KIF18A: variants seen among roughly 807,000 people sequenced by gnomAD.
KIF18A encodes kinesin family member 18A.
A neutral mutation model predicts 103.3 loss-of-function variants in KIF18A; 67 were observed. That is an observed-to-expected ratio of 0.65 (90% CI 0.53 to 0.79). The LOEUF (loss-of-function observed/expected upper bound fraction) is 0.79, where lower values mean the gene tolerates loss of function less well. Ranked by LOEUF, KIF18A falls within the 30% of genes least tolerant of loss-of-function variation. The pLI is 0.00. For synonymous variants in KIF18A, 367 were observed against 355.5 expected (o/e 1.03, Z -0.36); for missense variants, 1,032 against 1,062.5 (o/e 0.97, Z 0.40).
In KIF18A at chr11:28,026,710, T is replaced by C. The variant is rs765458098; in HGVS notation, c.2505-2860A>G. Among the ~76,000 whole-genome samples the C allele has an allele frequency of 3.3e-5, 5 of 151,866 alleles. No individual in the cohort carries two copies. The South Asian group carries it at 8.3e-4, about 25-fold the overall frequency. On this transcript the variant is annotated intron_variant, in intron 15 of 16. Coordinates refer to ENST00000263181, the MANE Select transcript of KIF18A (RefSeq NM_031217.4). ...AGTTCATATTTAAAAATTATTCTTATCTATAAACATTTGTGACATCTTAGT... is the reference window on the plus strand; with the variant it reads ...AGTTCATATTTAAAAATTATTCTTACCTATAAACATTTGTGACATCTTAGT...
At position 28,088,702 on chromosome 11, in the gene KIF18A, T is replaced by C. The variant is rs1240796302; in HGVS notation, c.719A>G (p.Asp240Gly). 6.2e-6 allele frequency: 10 copies of C among 1,613,804 alleles called. No individual in the cohort carries two copies. Among genetic ancestry groups the C allele is most frequent in the Non-Finnish European group, 7.6e-6 (9 of 1,179,778 alleles). ...ATTTTGATTGATACTTGCTGTTTTGTCTTGTTGTCGCAAGTAAATCTTTTT... is the reference window on the plus strand; with the variant it reads ...ATTTTGATTGATACTTGCTGTTTTGCCTTGTTGTCGCAAGTAAATCTTTTT... ...AVFQIYLRQQ[D>G]KTASINQNVR... The change falls in exon 6 of 17, where the codon GAC becomes GGC. Residue 240 changes from aspartate (D) to glycine (G), a missense_variant. By Grantham distance (94) the Asp-to-Gly change is moderately conservative. Coordinates refer to ENST00000263181, the MANE Select transcript of KIF18A (RefSeq NM_031217.4).
At chr11:28,096,797 T>C (rs1436204085) in intron 2 of KIF18A, among the ~76,000 whole-genome samples, 1 of 151,610 alleles carries the variant, frequency 6.6e-6, no homozygotes, top group Non-Finnish European at 1.5e-5. Context: ...ATTACAAAAA[T>C]AAGATATTAA....
At chr11:28,021,673 C>T (rs1850247400) in intron 16 of KIF18A, among the ~76,000 whole-genome samples, 1 of 152,144 alleles carries the variant, frequency 6.6e-6, no homozygotes, top group Non-Finnish European at 1.5e-5. Flanking sequence ...ATTTAAACTT[C>T]CATATTTTTC....
intron 3 of KIF18A, 28 bp downstream of exon 3, chr11:28,094,615 T>C: frequency 6.6e-7 from 1 of 1,526,460 alleles, no homozygotes; most frequent in South Asian, 1.1e-5. Context: ...TTCCCAAAAC[T>C]ATTGATTAAT....
chr11:28,058,463 G>A (rs1850810729), intron 13 of KIF18A, among the ~76,000 whole-genome samples: 1 of 135,162 alleles, frequency 7.4e-6, no homozygotes, highest in Non-Finnish European at 1.5e-5. Context: ...GTCAGCCTGG[G>A]TAACAGTGAT....
chr11:28,082,307 A>G (rs1851175105), intron 9 of KIF18A, among the ~76,000 whole-genome samples: 1 of 152,146 alleles, frequency 6.6e-6, no homozygotes, highest in Non-Finnish European at 1.5e-5. Flanking sequence ...TAAATCTTTC[A>G]TGAAAGGACG....
At chr11:28,095,290 A>G (rs997193813) in intron 2 of KIF18A, among the ~76,000 whole-genome samples, 2 of 152,210 alleles carry the variant, frequency 1.3e-5, no homozygotes, top group African/African-American at 4.8e-5. Flanking sequence ...CAATACTCTC[A>G]GCATTTGCTG....
chr11:28,106,162 T>G (rs1398999898), intron 1 of KIF18A, among the ~76,000 whole-genome samples: 1 of 152,160 alleles, frequency 6.6e-6, no homozygotes, highest in African/African-American at 2.4e-5. Context: ...TGCTCTAAAG[T>G]CTCCAATGAC....
chr11:28,071,378 CTCT>C (rs1302612859), intron 10 of KIF18A, among the ~76,000 whole-genome samples: 3 of 151,610 alleles, frequency 2.0e-5, no homozygotes, highest in Non-Finnish European at 2.9e-5. Flanking sequence ...AACAACGCCA[CTCT>C]TCTATTTTCA....
Position 28,088,703 on chromosome 11 carries a change from C to CT in KIF18A, c.717dup (p.Asp240ArgfsTer19). 1 of 1,613,450 alleles carries CT rather than the reference C, an allele frequency of 6.2e-7. No individual in the cohort carries two copies. The highest frequency in any genetic ancestry group is 8.5e-7 in the Non-Finnish European group (1 of 1,179,688). ...TTTTGATTGATACTTGCTGTTTTGT[C>CT]TTGTTGTCGCAAGTAAATCTTTTTG... On this transcript the variant is annotated frameshift_variant, in exon 6 of 17. Coordinates refer to ENST00000263181, the MANE Select transcript of KIF18A (RefSeq NM_031217.4). LOFTEE classifies it high-confidence loss of function.
intron 13 of KIF18A, among the ~76,000 whole-genome samples, chr11:28,042,498 G>A (rs1850573347): frequency 6.6e-6 from 1 of 151,912 alleles, no homozygotes; most frequent in Non-Finnish European, 1.5e-5. Flanking sequence ...CTTTAAAAAG[G>A]AGCCAATGCA....
intron 3 of KIF18A, 147 bp downstream of exon 3, chr11:28,094,496 C>T: frequency 1.6e-6 from 1 of 610,524 alleles, no homozygotes; most frequent in East Asian, 3.3e-5. Flanking sequence ...AAAAAATTAA[C>T]AGAAAAAGAT....
intron 12 of KIF18A, among the ~76,000 whole-genome samples, chr11:28,061,029 C>G (rs951443274): frequency 6.6e-6 from 1 of 152,186 alleles, no homozygotes; most frequent in Non-Finnish European, 1.5e-5. Flanking sequence ...TTTGTAGCCT[C>G]TTGCTGAAAT....
intron 10 of KIF18A, among the ~76,000 whole-genome samples, chr11:28,074,913 A>C (rs373977417): frequency 6.6e-6 from 1 of 152,146 alleles, no homozygotes; most frequent in African/African-American, 2.4e-5. Flanking sequence ...CTCATCACCA[A>C]TGAATATCGA....
chr11:28,071,498 TTAATA>T (rs1295297156), intron 10 of KIF18A, among the ~76,000 whole-genome samples: 1 of 149,118 alleles, frequency 6.7e-6, no homozygotes, highest in Non-Finnish European at 1.5e-5. Context: ...TTATATTTTA[TTAATA>T]TAATTTTTAT....
chr11:28,094,873 T>C, intron 2 of KIF18A, 73 bp from the exon 3 acceptor site: 2 of 1,382,416 alleles, frequency 1.4e-6, no homozygotes, highest in Non-Finnish European at 1.0e-6. Flanking sequence ...ATCTAGTGGA[T>C]AGTTCCATCT....
At chr11:28,028,479 A>G (rs939733620) in intron 15 of KIF18A, among the ~76,000 whole-genome samples, 48 of 152,288 alleles carry the variant, frequency 3.2e-4, no homozygotes, top group Non-Finnish European at 5.6e-4. Flanking sequence ...TTTGAAACCA[A>G]CGAGAACAAA....
At chr11:28,097,106 T>C (rs1014254178) in intron 2 of KIF18A, among the ~76,000 whole-genome samples, 9 of 152,138 alleles carry the variant, frequency 5.9e-5, no homozygotes, top group Non-Finnish European at 1.0e-4. Flanking sequence ...ACAGATTTTT[T>C]CATCACTCAG....
intron 15 of KIF18A, among the ~76,000 whole-genome samples, chr11:28,032,056 C>G (rs1436618226): frequency 6.7e-6 from 1 of 150,138 alleles, no homozygotes; most frequent in African/African-American, 2.5e-5. Context: ...AATACAAAAT[C>G]AATATACAAA....
Sources: allele counts gnomAD v4.1 joint callset (sites outside exome capture counted in the v4.1 genomes callset), GRCh38; gene constraint gnomAD v4.1.1; transcripts MANE v1.5; gene names NCBI Gene and HGNC (gene_info 2026-07-23, HGNC 2026-07-21).